LRP1B: variants seen among roughly 807,000 people sequenced by gnomAD.
The protein encoded by LRP1B is LDL receptor related protein 1B.
Under a neutral mutation model 556.6 loss-of-function variants are expected in LRP1B, and 217 were observed. That is an observed-to-expected ratio of 0.39 (90% CI 0.35 to 0.44). The LOEUF (loss-of-function observed/expected upper bound fraction) is 0.44. Among genes scored for constraint, LRP1B ranks in the 20% least tolerant of loss-of-function variants. LRP1B has a pLI of 1.00. For missense variants in LRP1B, 5,053 were observed against 5,620.8 expected (o/e 0.90, Z 3.23); for synonymous variants, 2,047 against 1,865.8 (o/e 1.10, Z -2.50).
chr2:140,796,053 A>ATATC (rs56889775), intron 32 of LRP1B, among the ~76,000 whole-genome samples: 67,455 of 151,058 alleles, frequency 0.45, 16,783 homozygotes, highest in East Asian at 0.63. Context: ...TCCCTGCTCT[A>ATATC]TATCTATCTA....
Position 141,524,279 on chromosome 2 carries a change from T to TATATAA in LRP1B, c.206-43747_206-43746insTTATAT, listed in dbSNP as rs960090877. On this transcript the variant is annotated intron_variant, in intron 2 of 90. Coordinates refer to ENST00000389484, the MANE Select transcript of LRP1B (RefSeq NM_018557.3). ...TAAGCAAAGAATATATATATATATA[T>TATATAA]AAAACTCAATGCCTAAGAACATGTT... Among the ~76,000 whole-genome samples the TATATAA allele has an allele frequency of 2.0e-4, 30 of 151,470 alleles. 1 individual carries two copies. The highest frequency in any genetic ancestry group is 4.6e-4 in the Admixed American group (7 of 15,188).
At chr2:141,881,891 G>A (rs1460117261) in intron 1 of LRP1B, among the ~76,000 whole-genome samples, 1 of 151,986 alleles carries the variant, frequency 6.6e-6, no homozygotes, top group Non-Finnish European at 1.5e-5. Flanking sequence ...TAATTTATGT[G>A]GGGAACTCTA....
intron 1 of LRP1B, among the ~76,000 whole-genome samples, chr2:141,992,088 G>GTATAA (rs1702360284): frequency 6.6e-6 from 1 of 151,992 alleles, no homozygotes; most frequent in South Asian, 2.1e-4. Flanking sequence ...TTAATCTCTA[G>GTATAA]TATAATACCA....
intron 25 of LRP1B, 140 bp from the exon 26 acceptor site, chr2:140,868,403 G>A: frequency 1.5e-6 from 1 of 688,192 alleles, no homozygotes; most frequent in East Asian, 3.0e-5. Flanking sequence ...CTATCCTCGT[G>A]GGGCTTATGG....
chr2:141,081,254 G>A (rs771736823), intron 7 of LRP1B, among the ~76,000 whole-genome samples: 7 of 152,132 alleles, frequency 4.6e-5, no homozygotes, highest in Non-Finnish European at 8.8e-5. Context: ...TACTATCTGT[G>A]ATTTTAAGGC....
At chr2:141,064,611 A>G (rs1189865738) in intron 7 of LRP1B, among the ~76,000 whole-genome samples, 1 of 151,964 alleles carries the variant, frequency 6.6e-6, no homozygotes, top group East Asian at 1.9e-4. Flanking sequence ...CAAAAAATCA[A>G]AGAGTCCTAA....
rs761814353 is a variant in LRP1B, at chr2:140,546,845, C to T, written c.7195-4874G>A. Among the ~76,000 whole-genome samples the T allele has an allele frequency of 9.9e-5, 15 of 152,060 alleles. No individual in the cohort carries two copies. In the Middle Eastern group the frequency reaches 0.01, roughly 103 times the overall value. On this transcript the variant is annotated intron_variant, in intron 43 of 90. Transcript: ENST00000389484. ...ATTTTGAGATATGTTCCTTTAATACCTGGTTTATTGAGGTTTGGGGTGTTG... is the reference window on the plus strand; with the variant it reads ...ATTTTGAGATATGTTCCTTTAATACTTGGTTTATTGAGGTTTGGGGTGTTG...
chr2:141,282,090 G>A (rs1239198471), intron 3 of LRP1B, among the ~76,000 whole-genome samples: 1 of 151,912 alleles, frequency 6.6e-6, no homozygotes, highest in Admixed American at 6.6e-5. Context: ...ATTTCTTTTG[G>A]ATGACCTTGA....
chr2:142,026,209 T>A (rs1337932743), intron 1 of LRP1B, among the ~76,000 whole-genome samples: 1 of 152,104 alleles, frequency 6.6e-6, no homozygotes, highest in Non-Finnish European at 1.5e-5. Context: ...TTTGATAGAG[T>A]TTGATTCACA....
intron 1 of LRP1B, among the ~76,000 whole-genome samples, chr2:142,029,827 C>T (rs1177191827): frequency 1.3e-5 from 2 of 151,810 alleles, no homozygotes; most frequent in Non-Finnish European, 2.9e-5. Context: ...GATCTTTCTT[C>T]ACTTTTTTTT....
intron 7 of LRP1B, among the ~76,000 whole-genome samples, chr2:141,183,770 A>G (rs563005670): frequency 2.6e-5 from 4 of 151,994 alleles, no homozygotes; most frequent in Non-Finnish European, 5.9e-5. Flanking sequence ...CAAATCACAT[A>G]ATTCTTTTGA....
At chr2:140,743,782 A>C (rs532340673) in intron 35 of LRP1B, among the ~76,000 whole-genome samples, 35 of 151,532 alleles carry the variant, frequency 2.3e-4, no homozygotes, top group African/African-American at 7.0e-4. Context: ...ACATGGTGAA[A>C]CCCTGTCTCT....
Position 140,994,037 on chromosome 2 carries a change from C to T in LRP1B, c.2602G>A (p.Asp868Asn), listed in dbSNP as rs1015312571. Residue 868 changes from aspartate (D) to asparagine (N), a missense_variant, in exon 16 of 91, where the codon GAT becomes AAT. This residue lies in a region of LRP1B where 3,619 missense variants were observed against 3,931.9 expected (regional missense o/e 0.92). Transcript: ENST00000389484. ...TCATCGCTTCCGTCTAGGCAGTCAT[C>T]GTCGCCATCACATTTCCACCGAGCT... ...IQARWKCDGD[D>N]DCLDGSDEDS... The T allele has an allele frequency of 5.5e-5, 89 of 1,612,536 alleles. No homozygotes were observed. Among genetic ancestry groups the T allele is most frequent in the Non-Finnish European group, 7.0e-5 (82 of 1,179,128 alleles).
chr2:140,595,108 A>ATATATATATC (rs1682385810), intron 43 of LRP1B, among the ~76,000 whole-genome samples: 3 of 67,074 alleles, frequency 4.5e-5, no homozygotes, highest in African/African-American at 6.4e-5. Flanking sequence ...ATATATATAT[A>ATATATATATC]TATATATATA....
rs2105385734 is a variant in LRP1B, at chr2:141,013,685, C to T, written c.2251G>A (p.Val751Met). The change falls in exon 14 of 91, where the codon GTG (valine) becomes ATG (methionine). Residue 751 changes from valine to methionine, a missense_variant. By Grantham distance (21) the Val-to-Met change is conservative. This residue lies in a region of LRP1B where 3,619 missense variants were observed against 3,931.9 expected (regional missense o/e 0.92). Coordinates refer to ENST00000389484, the MANE Select transcript of LRP1B (RefSeq NM_018557.3). The stretch of plus-strand genomic sequence containing the variant: ...CCATTCATATAATCAGTCCAGAACA[C>T]ATAATTTCCATGATGCGACAGTCCG... ...PFGLSHHGNY[V>M]FWTDYMNGSI... 1.3e-6 allele frequency: 2 copies of T among 1,599,100 alleles called. No homozygotes were observed. Among genetic ancestry groups the T allele is most frequent in the Non-Finnish European group, 8.5e-7 (1 of 1,172,972 alleles).
chr2:141,342,274 A>AAAAT (rs5834823), intron 3 of LRP1B, among the ~76,000 whole-genome samples: 76,261 of 141,732 alleles, frequency 0.54, 21,239 homozygotes, highest in Non-Finnish European at 0.59. Flanking sequence ...AAATAAAAAT[A>AAAAT]AAATAAATAA....
chr2:141,074,589 C>CTCTATATATATA (rs10643830), intron 7 of LRP1B, among the ~76,000 whole-genome samples: 7 of 136,476 alleles, frequency 5.1e-5, no homozygotes, highest in South Asian at 2.3e-4. Context: ...CTCTCTCTCT[C>CTCTATATATATA]TATATATATA....
intron 31 of LRP1B, among the ~76,000 whole-genome samples, chr2:140,818,196 T>C (rs1478842993): frequency 1.3e-5 from 2 of 152,080 alleles, no homozygotes; most frequent in South Asian, 4.1e-4. Context: ...ATATGGGAAA[T>C]AGACACACTA....
At chr2:141,924,186 G>A (rs1255593419) in intron 1 of LRP1B, among the ~76,000 whole-genome samples, 3 of 151,924 alleles carry the variant, frequency 2.0e-5, no homozygotes, top group Admixed American at 6.6e-5. Flanking sequence ...AAGGAGATGA[G>A]GAGACAAGCA....
Sources: allele counts gnomAD v4.1 joint callset (sites outside exome capture counted in the v4.1 genomes callset), GRCh38; gene constraint gnomAD v4.1.1; regional missense constraint gnomAD v4.1.1; transcripts MANE v1.5; gene names NCBI Gene and HGNC (gene_info 2026-07-23, HGNC 2026-07-21).